Variants in TARDBP observed in about 807,000 individuals in gnomAD.
The protein encoded by TARDBP is TAR DNA-binding protein 43.
A neutral mutation model predicts 38.3 loss-of-function variants in TARDBP; 4 were observed. The ratio of observed to expected loss-of-function variants is 0.10; its 90% CI spans 0.05 to 0.24. The LOEUF is 0.24. TARDBP is among the 10% of genes least tolerant of loss of function. The probability of loss-of-function intolerance (pLI) is 1.00; values close to 1 mark genes in which losing one functional copy is unlikely to be tolerated. For synonymous variants in TARDBP, 184 were observed against 183.8 expected, an observed-to-expected ratio of 1.00 and a Z score of -0.01; for missense variants, 202 against 521.9, an observed-to-expected ratio of 0.39 and a Z score of 5.97.
chr1:11,019,246 C>T (rs1014201049), intron 4 of TARDBP: 2 of 318,428 alleles, frequency 6.3e-6, no homozygotes, highest in African/African-American at 4.4e-5. Context: ...ATAACATTGG[C>T]TTATTTGGAA....
downstream of TARDBP, chr1:11,027,052 C>G: frequency 6.3e-7 from 1 of 1,593,546 alleles, no homozygotes; most frequent in Non-Finnish European, 8.5e-7. Flanking sequence ...CCTCCGCTGT[C>G]ACCTCTGCAG....
intron 5 of TARDBP, among the ~76,000 whole-genome samples, chr1:11,020,821 G>A (rs1219894858): frequency 6.6e-6 from 1 of 152,070 alleles, no homozygotes; most frequent in African/African-American, 2.4e-5. Context: ...GCCTGAGGCA[G>A]GGGAATCGCT....
chr1:11,014,910 T>G (rs1044102967), intron 2 of TARDBP, among the ~76,000 whole-genome samples: 4 of 151,248 alleles, frequency 2.6e-5, no homozygotes, highest in Non-Finnish European at 5.9e-5. Context: ...CACTCCAGCC[T>G]GGGCAACAAG....
chr1:11,018,894 G>T (rs1643580996), intron 4 of TARDBP, 21 bp downstream of exon 4: 1 of 1,613,874 alleles, frequency 6.2e-7, no homozygotes, highest in Non-Finnish European at 8.5e-7. Context: ...CTGTGCTTTG[G>T]GAATTTTTGC....
chr1:11,027,277 C>G, downstream of TARDBP: 1 of 1,613,950 alleles, frequency 6.2e-7, no homozygotes. Context: ...GATTCAGCTT[C>G]TTTTCTTGGC....
chr1:11,013,081 C>T (rs1413406590), intron 1 of TARDBP, among the ~76,000 whole-genome samples: 2 of 152,196 alleles, frequency 1.3e-5, no homozygotes, highest in Admixed American at 6.5e-5. Flanking sequence ...CGGGCCGCGC[C>T]GAGAAACTCC....
downstream of TARDBP, chr1:11,030,242 C>G (rs367583731): frequency 6.2e-6 from 10 of 1,612,608 alleles, no homozygotes; most frequent in African/African-American, 1.3e-4. Context: ...GCCTCACACA[C>G]ATATTTACCT....
At position 11,024,851 on chromosome 1, in the gene TARDBP, T is replaced by C. The variant is rs986466811; in HGVS notation, c.*2197T>C. On this transcript the variant is annotated 3_prime_UTR_variant, in exon 6 of 6. Transcript: ENST00000240185. Reference sequence around the variant, plus strand: ...TTCTGTGAGAGTTGAGCTCATTTTCTAGTTGGAAGAATGTGATATTTGTTG... The same window carrying C: ...TTCTGTGAGAGTTGAGCTCATTTTCCAGTTGGAAGAATGTGATATTTGTTG... 5.2e-5 allele frequency: 8 copies of C among 152,702 alleles called. No individual in the cohort carries two copies. Among genetic ancestry groups the C allele is most frequent in the Admixed American group, 3.3e-4 (5 of 15,288 alleles). The allele number at this position is 152,702 out of a possible 1,614,324, so 9.5% of individuals were successfully genotyped here. A position where few individuals can be genotyped will look rare whatever the true frequency, so the allele number is the denominator to read the frequency against.
chr1:11,023,403 T>TAAGGAAC lies in TARDBP; in HGVS notation c.*750_*751insAGGAACA, dbSNP rs1643678705. 1 of 820,938 alleles carries TAAGGAAC rather than the reference T, an allele frequency of 1.2e-6. No homozygotes were observed. Among genetic ancestry groups the TAAGGAAC allele is most frequent in the African/African-American group, 1.7e-5 (1 of 57,898 alleles). 50.9% of individuals were successfully genotyped at this position (820,938 alleles called of 1,614,324 possible). ...CAACGCTATGAACGCAAGGCTGTGA[T>TAAGGAAC]ATGGAACCAGAAGGCTGTCTGAACT... is the stretch of plus-strand genomic sequence containing the variant. On this transcript the variant is annotated 3_prime_UTR_variant, in exon 6 of 6. Transcript: ENST00000240185.
intron 3 of TARDBP, among the ~76,000 whole-genome samples, chr1:11,017,352 G>C (rs1038093515): frequency 6.6e-6 from 1 of 151,986 alleles, no homozygotes; most frequent in Non-Finnish European, 1.5e-5. Flanking sequence ...ACAGGTGCCC[G>C]CCATCATGCC....
downstream of TARDBP, chr1:11,027,009 C>G: frequency 1.3e-6 from 2 of 1,598,582 alleles, no homozygotes; most frequent in African/African-American, 1.3e-5. Flanking sequence ...CACAAACCAC[C>G]TCTCTGTTTC....
downstream of TARDBP, chr1:11,027,664 G>C: frequency 1.9e-6 from 3 of 1,578,676 alleles, no homozygotes; most frequent in Non-Finnish European, 2.6e-6. Context: ...GAAAGAAGCA[G>C]ATAGGTAGAG....
At chr1:11,017,084 A>T in intron 3 of TARDBP, 77 bp downstream of exon 3, 4 of 1,474,868 alleles carry the variant, frequency 2.7e-6, no homozygotes, top group Non-Finnish European at 3.8e-6. Context: ...GTATAAATAG[A>T]GATGGGGTAT....
In TARDBP at chr1:11,016,735, ATTC is replaced by A. The variant is rs756540362; in HGVS notation, c.239-103_239-101del. 30 of 1,178,336 alleles carry A rather than the reference ATTC, an allele frequency of 2.5e-5. No homozygotes were observed. In the South Asian group the frequency reaches 3.7e-4, roughly 14 times the overall value. The allele number at this position is 1,178,336 out of a possible 1,614,324, so 73.0% of individuals were successfully genotyped here. A position where few individuals can be genotyped will look rare whatever the true frequency, so the allele number is the denominator to read the frequency against. ...CTTCTTGCCAAGTTTTCAGTGTCTT[ATTC>A]TTCTTAGAGTCTTCTTTTTGCTTCT... On this transcript the variant is annotated intron_variant, in intron 2 of 5. Coordinates refer to ENST00000240185, the MANE Select transcript of TARDBP (RefSeq NM_007375.4).
At chr1:11,021,933 C>G (rs1643647010) in intron 5 of TARDBP, among the ~76,000 whole-genome samples, 191 bp from the exon 6 acceptor site, 1 of 152,126 alleles carries the variant, frequency 6.6e-6, no homozygotes, top group Non-Finnish European at 1.5e-5. Context: ...TTTTGAAAAT[C>G]GACTGAAATA....
rs138201492 is a variant in TARDBP, at chr1:11,020,527, C to T, written c.642C>T (p.Tyr214=). The T allele has an allele frequency of 3.3e-5, 53 of 1,613,848 alleles. No homozygotes were observed. Among genetic ancestry groups the T allele is most frequent in the Admixed American group, 8.3e-5 (5 of 59,980 alleles). ...AGCTGCGGGAGTTCTTCTCTCAGTA[C>T]GGGGATGTGATGGATGTCTTCATCC... is the stretch of plus-strand genomic sequence containing the variant. ...EDELREFFSQ[Y]GDVMDVFIPK... is the part of the protein sequence containing the mutation. Residue 214 remains tyrosine, a synonymous_variant, in exon 5 of 6, where the codon TAC becomes TAT. Transcript: ENST00000240185.
chr1:11,023,156 A>G lies in TARDBP; in HGVS notation c.*502A>G, dbSNP rs544313146. The stretch of plus-strand genomic sequence containing the variant: ...TTAACACTTGTCTCCCCTCATACAC[A>G]AAAGTACAATATGAAGCCTTCATTT... On this transcript the variant is annotated 3_prime_UTR_variant, in exon 6 of 6. Coordinates refer to ENST00000240185, the MANE Select transcript of TARDBP (RefSeq NM_007375.4). The G allele has an allele frequency of 1.4e-4, 222 of 1,548,694 alleles. No individual in the cohort carries two copies. Among genetic ancestry groups the G allele is most frequent in the Admixed American group, 1.0e-3 (52 of 50,926 alleles).
intron 2 of TARDBP, among the ~76,000 whole-genome samples, chr1:11,014,541 C>T (rs995292511): frequency 2.0e-5 from 3 of 152,136 alleles, no homozygotes; most frequent in African/African-American, 7.2e-5. Context: ...AAGTAGTGTG[C>T]TGTTAGTAGT....
chr1:11,016,817 T>C (rs1292981811), intron 2 of TARDBP, 27 bp from the exon 3 acceptor site: 1 of 1,612,552 alleles, frequency 6.2e-7, no homozygotes, highest in East Asian at 2.2e-5. Flanking sequence ...TGAAGATTTC[T>C]AAAAGGTTTC....
Sources: gnomAD v4.1 joint callset for allele counts (sites outside exome capture counted in the v4.1 genomes callset) on GRCh38, gnomAD v4.1.1 for gene constraint, MANE v1.5 for transcripts, NCBI Gene and HGNC (gene_info 2026-07-23, HGNC 2026-07-21) for gene names.